The following WDTC1 variants were observed in gnomAD, a reference collection of about 807,000 sequenced individuals.
WDTC1 encodes WD and tetratricopeptide repeats 1, also known as WD and tetratricopeptide repeats protein 1.
Under a neutral mutation model 76.0 loss-of-function variants are expected in WDTC1, and 12 were observed. The ratio of observed to expected loss-of-function variants is 0.16; its 90% CI spans 0.10 to 0.26. The LOEUF is 0.26. WDTC1 is among the 10% of genes least tolerant of loss of function. WDTC1 has a pLI of 1.00. For synonymous variants in WDTC1, 326 were observed against 350.8 expected (o/e 0.93, Z 0.79); for missense variants, 511 against 908.8 (o/e 0.56, Z 5.63).
intron 3 of WDTC1, among the ~76,000 whole-genome samples, chr1:27,271,615 G>GTATTT (rs956509507): frequency 1.3e-5 from 2 of 151,332 alleles, no homozygotes; most frequent in Non-Finnish European, 2.9e-5. Flanking sequence ...TTTACTTTTT[G>GTATTT]TATTTTATTT....
intron 9 of WDTC1, among the ~76,000 whole-genome samples, 176 bp downstream of exon 9, chr1:27,294,805 G>C (rs900459858): frequency 1.3e-5 from 2 of 152,194 alleles, no homozygotes; most frequent in Admixed American, 6.5e-5. Flanking sequence ...AGATGTCCTA[G>C]CTCAGTCTTT....
intron 1 of WDTC1, among the ~76,000 whole-genome samples, chr1:27,235,180 G>A (rs1243146455): frequency 6.6e-6 from 1 of 152,110 alleles, no homozygotes; most frequent in Non-Finnish European, 1.5e-5. Context: ...TGGTCGGGAC[G>A]CGGGGGGAGG....
intron 3 of WDTC1, among the ~76,000 whole-genome samples, chr1:27,275,822 A>G (rs970578758): frequency 2.6e-5 from 4 of 152,070 alleles, no homozygotes; most frequent in Non-Finnish European, 4.4e-5. Context: ...AAGTTTTGCA[A>G]CCATCCCTGC....
intron 3 of WDTC1, among the ~76,000 whole-genome samples, chr1:27,281,456 A>G (rs2013188797): frequency 6.6e-6 from 1 of 151,814 alleles, no homozygotes; most frequent in African/African-American, 2.4e-5. Context: ...AAAAAAAAAA[A>G]AAATGCTGGG....
At chr1:27,287,906 C>T (rs762362537) in intron 6 of WDTC1, 45 bp downstream of exon 6, 1 of 1,579,382 alleles carries the variant, frequency 6.3e-7, no homozygotes, top group East Asian at 2.3e-5. Flanking sequence ...TCCCCCATCC[C>T]ATCATCCTAT....
intron 3 of WDTC1, among the ~76,000 whole-genome samples, chr1:27,272,200 C>G (rs556816213): frequency 6.6e-6 from 1 of 151,716 alleles, no homozygotes; most frequent in African/African-American, 2.4e-5. Context: ...GAGCTGAGAT[C>G]GTGCCATTGC....
chr1:27,247,096 G>T (rs1274427519), intron 1 of WDTC1, among the ~76,000 whole-genome samples: 2 of 151,530 alleles, frequency 1.3e-5, no homozygotes, highest in African/African-American at 2.4e-5. Context: ...TCCCTCTGTT[G>T]CCCAGGCTGG....
At chr1:27,300,157 G>C (rs867342552) in intron 12 of WDTC1, among the ~76,000 whole-genome samples, 1 of 152,208 alleles carries the variant, frequency 6.6e-6, no homozygotes, top group African/African-American at 2.4e-5. Flanking sequence ...AGGACTGGGT[G>C]CTCCCTCTGA....
At chr1:27,288,188 A>C (rs2013399170) in intron 6 of WDTC1, among the ~76,000 whole-genome samples, 1 of 151,376 alleles carries the variant, frequency 6.6e-6, no homozygotes. Context: ...CCCATGTCGG[A>C]CTCTTTCTTA....
intron 3 of WDTC1, among the ~76,000 whole-genome samples, chr1:27,279,919 T>C (rs1427228078): frequency 2.0e-5 from 3 of 152,208 alleles, no homozygotes; most frequent in African/African-American, 4.8e-5. Flanking sequence ...TATTTGGATT[T>C]TATTTCTGAT....
At position 27,262,921 on chromosome 1, in the gene WDTC1, G is replaced by T. The variant is rs576527733; in HGVS notation, c.49-231G>T. On this transcript the variant is annotated intron_variant, in intron 2 of 15. Transcript: ENST00000319394. ...CTTCTTTCCTTTTTAAAAATTTTTT[G>T]CTTTCTTTAAAAAAAAAAATGAACG... Among the ~76,000 whole-genome samples, 13 of 149,172 alleles carry T rather than the reference G, an allele frequency of 8.7e-5. No individual in the cohort carries two copies. The South Asian group carries it at 2.1e-3, about 24-fold the overall frequency.
chr1:27,301,156 G>A lies in WDTC1; in HGVS notation c.1233-70G>A. ...GGCTGGGGTGGCCACAGGAAGCAGA[G>A]GAGACTGAATGGGGACCCCTTGCTT... On this transcript the variant is annotated intron_variant, in intron 12 of 15. Coordinates refer to ENST00000319394, the MANE Select transcript of WDTC1 (RefSeq NM_001276252.2). The surrounding 1 kb of genome is among the most constrained non-coding windows in gnomAD (Gnocchi z 5.8). The A allele has an allele frequency of 7.1e-7, 1 of 1,409,662 alleles. No homozygotes were observed. The highest frequency in any genetic ancestry group is 1.2e-5 in the South Asian group (1 of 84,212). 87.3% of individuals were successfully genotyped at this position (1,409,662 alleles called of 1,614,324 possible).
chr1:27,245,176 ATATTCATAGCAGCAT>A (rs2011785260), intron 1 of WDTC1, among the ~76,000 whole-genome samples: 1 of 151,772 alleles, frequency 6.6e-6, no homozygotes, highest in Non-Finnish European at 1.5e-5. Flanking sequence ...TCGTACATGA[ATATTCATAGCAGCAT>A]TATTCATAGC....
chr1:27,290,659 T>C (rs1452811508), intron 6 of WDTC1, among the ~76,000 whole-genome samples: 1 of 152,198 alleles, frequency 6.6e-6, no homozygotes, highest in Non-Finnish European at 1.5e-5. Flanking sequence ...TCTACTTCCC[T>C]TCATTCTAAA....
At chr1:27,293,584 T>C (rs1361406952) in intron 7 of WDTC1, among the ~76,000 whole-genome samples, 1 of 152,168 alleles carries the variant, frequency 6.6e-6, no homozygotes, top group East Asian at 1.9e-4. Flanking sequence ...TATTTCCTGC[T>C]AGTTCTTATA....
At chr1:27,236,247 C>G (rs190583570) in intron 1 of WDTC1, among the ~76,000 whole-genome samples, 21 of 152,316 alleles carry the variant, frequency 1.4e-4, no homozygotes, top group Admixed American at 2.6e-4. Context: ...GCCAGATCCT[C>G]TGTAACAGAC....
At chr1:27,285,996 GTTTTT>G (rs5773184) in intron 5 of WDTC1, among the ~76,000 whole-genome samples, 1 of 63,280 alleles carries the variant, frequency 1.6e-5, no homozygotes, top group Non-Finnish European at 2.8e-5. Context: ...CAGGATGGTG[GTTTTT>G]TTTTTTTTTT....
intron 1 of WDTC1, among the ~76,000 whole-genome samples, chr1:27,239,057 C>T (rs2011557953): frequency 6.8e-6 from 1 of 147,304 alleles, no homozygotes. Context: ...TGTGTGCCAT[C>T]ACGCCTGGCT....
rs767370668 is a variant in WDTC1, at chr1:27,303,670, G to A, written c.1518G>A (p.Thr506=). Residue 506 remains threonine, a synonymous_variant, in exon 14 of 16, where the codon ACG becomes ACA. Coordinates refer to ENST00000319394, the MANE Select transcript of WDTC1 (RefSeq NM_001276252.2). The surrounding 1 kb of genome is among the most constrained non-coding windows in gnomAD (Gnocchi z 4.8). Reference sequence around the variant, plus strand: ...GCGCCCCAGTCCGCCTCCGCAGCACGAGCCGCAAGGACTCCATCTCAGAGG... The same window carrying A: ...GCGCCCCAGTCCGCCTCCGCAGCACAAGCCGCAAGGACTCCATCTCAGAGG... ...GGGAPVRLRS[T]SRKDSISEDE... The A allele has an allele frequency of 1.2e-5, 19 of 1,611,714 alleles. No homozygotes were observed. Among genetic ancestry groups the A allele is most frequent in the South Asian group, 6.6e-5 (6 of 90,698 alleles).
Sources: allele counts gnomAD v4.1 joint callset (sites outside exome capture counted in the v4.1 genomes callset), GRCh38; gene constraint gnomAD v4.1.1; non-coding constraint Gnocchi (gnomAD v3.1); transcripts MANE v1.5; gene names NCBI Gene and HGNC (gene_info 2026-07-23, HGNC 2026-07-21).